Variants in VPS45 observed in about 807,000 individuals in gnomAD.
VPS45 encodes the protein vacuolar protein sorting 45 homolog.
In VPS45, 35 loss-of-function variants were observed where a neutral mutation model predicts 75.9. The observed-to-expected ratio is 0.46, with a 90% CI of 0.35 to 0.61. The LOEUF is 0.61. Among genes scored for constraint, VPS45 ranks in the 20% least tolerant of loss-of-function variants. VPS45 has a pLI of 0.00. For synonymous variants in VPS45, 220 were observed against 238.2 expected (o/e 0.92, Z 0.70); for missense variants, 559 against 685.9 (o/e 0.81, Z 2.07).
At chr1:150,135,008 A>T (rs1659003361) in intron 14 of VPS45, among the ~76,000 whole-genome samples, 1 of 152,154 alleles carries the variant, frequency 6.6e-6, no homozygotes, top group African/African-American at 2.4e-5. Flanking sequence ...GTCTTCAATG[A>T]TCTTATGGTC....
chr1:150,079,937 G>T (rs1553798905), intron 7 of VPS45, among the ~76,000 whole-genome samples: 1 of 152,118 alleles, frequency 6.6e-6, no homozygotes, highest in Non-Finnish European at 1.5e-5. Flanking sequence ...CCAAAGAAAA[G>T]CAACTATTTA....
intron 13 of VPS45, among the ~76,000 whole-genome samples, chr1:150,101,408 A>G (rs995189573): frequency 1.3e-5 from 2 of 152,228 alleles, no homozygotes; most frequent in Non-Finnish European, 2.9e-5. Context: ...GTGAGATACC[A>G]TCTCAACACC....
chr1:150,088,138 C>A (rs1027839081), intron 10 of VPS45, among the ~76,000 whole-genome samples: 1 of 152,090 alleles, frequency 6.6e-6, no homozygotes, highest in African/African-American at 2.4e-5. Context: ...TAACTCTATT[C>A]ATGCTACTAT....
intron 12 of VPS45, 97 bp downstream of exon 12, chr1:150,092,506 G>T: frequency 9.8e-7 from 1 of 1,015,824 alleles, no homozygotes. Flanking sequence ...CTTGAAGATT[G>T]CTGCTAATTT....
chr1:150,090,105 TGTAAA>T (rs1162509784), intron 10 of VPS45, among the ~76,000 whole-genome samples: 1 of 152,260 alleles, frequency 6.6e-6, no homozygotes, highest in Non-Finnish European at 1.5e-5. Flanking sequence ...TTTTGTAAGT[TGTAAA>T]GTAATCATAT....
intron 14 of VPS45, among the ~76,000 whole-genome samples, chr1:150,115,444 A>AT (rs1178741294): frequency 6.6e-6 from 1 of 151,770 alleles, no homozygotes; most frequent in Non-Finnish European, 1.5e-5. Flanking sequence ...CAAATCCTTT[A>AT]TTTTTCCTAA....
chr1:150,110,812 G>A (rs976963125), intron 14 of VPS45, among the ~76,000 whole-genome samples, 185 bp downstream of exon 14: 3 of 152,146 alleles, frequency 2.0e-5, no homozygotes, highest in African/African-American at 4.8e-5. Context: ...AGTTAAGTTC[G>A]TTAAGTTCAT....
chr1:150,129,094 G>A (rs1348018874), intron 14 of VPS45, among the ~76,000 whole-genome samples: 2 of 152,180 alleles, frequency 1.3e-5, no homozygotes, highest in East Asian at 1.9e-4. Flanking sequence ...GAGTTGTGAT[G>A]GAGTGTGTCG....
chr1:150,144,767 G>A lies in VPS45; in HGVS notation c.1684G>A (p.Val562Ile), dbSNP rs782569429. The A allele has an allele frequency of 6.2e-7, 1 of 1,614,182 alleles. No homozygotes were observed. Among genetic ancestry groups the A allele is most frequent in the South Asian group, 1.1e-5 (1 of 91,082 alleles). ...LHSRSKESSQ[V>I]TSRSASRR ...CAGCCGAAGCAAGGAGAGCTCTCAA[G>A]TCACATCAAGGTCAGCGAGCAGAAG... Residue 562 changes from valine to isoleucine, a missense_variant, in exon 15 of 15, where the codon GTC (valine) becomes ATC (isoleucine). Transcript: ENST00000644510.
At chr1:150,102,006 G>T (rs1657047925) in intron 13 of VPS45, among the ~76,000 whole-genome samples, 2 of 151,918 alleles carry the variant, frequency 1.3e-5, no homozygotes, top group Non-Finnish European at 2.9e-5. Flanking sequence ...GGAGGCTGAG[G>T]CAGGTGGATC....
At chr1:150,114,695 AGAG>A (rs1267364851) in intron 14 of VPS45, among the ~76,000 whole-genome samples, 1 of 151,914 alleles carries the variant, frequency 6.6e-6, no homozygotes, top group African/African-American at 2.4e-5. Flanking sequence ...CAGGAATTCA[AGAG>A]GAGTTCAAGG....
chr1:150,092,082 AG>A lies in VPS45; in HGVS notation c.1251del (p.Lys418SerfsTer39). The A allele has an allele frequency of 6.2e-7, 1 of 1,613,666 alleles. No individual in the cohort carries two copies. Among genetic ancestry groups the A allele is most frequent in the East Asian group, 2.2e-5 (1 of 44,878 alleles). On this transcript the variant is annotated frameshift_variant, in exon 11 of 15. Transcript: ENST00000644510. LOFTEE classifies it high-confidence loss of function. ...GACCTCAGGAATAAAGGTGTTTCTG[AG>A]AAGTATCGAAAGGTAACCAGTTTCC... ...MMDLRNKGVS[E>X]KYRKLVSAVV...
intron 13 of VPS45, among the ~76,000 whole-genome samples, chr1:150,099,332 T>TA (rs1181008396): frequency 2.9e-4 from 42 of 144,582 alleles, no homozygotes; most frequent in Admixed American, 4.9e-4. Flanking sequence ...TTGTCTCTAC[T>TA]AAAAAAAAAA....
At chr1:150,120,269 C>T (rs963135172) in intron 14 of VPS45, among the ~76,000 whole-genome samples, 9 of 152,168 alleles carry the variant, frequency 5.9e-5, no homozygotes, top group Admixed American at 5.2e-4. Context: ...TACCCTTACC[C>T]GTCAGGTAGC....
At chr1:150,140,390 T>TGTGTGA (rs1181691417) in intron 14 of VPS45, among the ~76,000 whole-genome samples, 4 of 131,088 alleles carry the variant, frequency 3.1e-5, no homozygotes, top group African/African-American at 1.5e-4. Context: ...ACTTCTGGTG[T>TGTGTGA]GTGTGTGTGT....
chr1:150,092,967 C>T (rs1208272407), intron 12 of VPS45, among the ~76,000 whole-genome samples: 3 of 150,262 alleles, frequency 2.0e-5, no homozygotes, highest in East Asian at 3.9e-4. Context: ...CTCAGCCTCT[C>T]GAGTAGCTGG....
intron 3 of VPS45, 137 bp downstream of exon 3, chr1:150,072,363 A>G (rs1655124248): frequency 1.6e-6 from 1 of 644,406 alleles, no homozygotes; most frequent in Non-Finnish European, 2.4e-6. Context: ...CTTCCAAAGT[A>G]TTAAAAATCT....
At chr1:150,125,440 G>A (rs1658457585) in intron 14 of VPS45, among the ~76,000 whole-genome samples, 1 of 151,090 alleles carries the variant, frequency 6.6e-6, no homozygotes, top group South Asian at 2.1e-4. Flanking sequence ...CATGTGCCAT[G>A]TTGGTGTGCT....
intron 14 of VPS45, among the ~76,000 whole-genome samples, chr1:150,132,166 G>T (rs1196625039): frequency 6.8e-6 from 1 of 147,948 alleles, no homozygotes; most frequent in African/African-American, 2.7e-5. Flanking sequence ...TACTTTGAAT[G>T]GGTTTGTTTC....
Sources: allele counts gnomAD v4.1 joint callset (sites outside exome capture counted in the v4.1 genomes callset), GRCh38; gene constraint gnomAD v4.1.1; transcripts MANE v1.5; gene names NCBI Gene and HGNC (gene_info 2026-07-23, HGNC 2026-07-21).